CELF2: variants seen among roughly 807,000 people sequenced by gnomAD.
The protein encoded by CELF2 is CUGBP Elav-like family member 2, also known as CUG triplet repeat RNA-binding protein 2.
A neutral mutation model predicts 62.6 loss-of-function variants in CELF2; 8 were observed. That is an observed-to-expected ratio of 0.13 (90% confidence interval 0.07 to 0.23). The LOEUF is 0.23. Among genes scored for constraint, CELF2 ranks in the 10% least tolerant of loss-of-function variants. The pLI is 1.00. For synonymous variants in CELF2, 258 were observed against 250.0 expected, an observed-to-expected ratio of 1.03 and a Z score of -0.30; for missense variants, 333 against 671.0, an observed-to-expected ratio of 0.50 and a Z score of 5.56.
chr10:11,270,546 A>G lies in CELF2; in HGVS notation c.619-120A>G. 1 of 843,452 alleles carries G rather than the reference A, an allele frequency of 1.2e-6. No individual in the cohort carries two copies. The highest frequency in any genetic ancestry group is 1.7e-6 in the Non-Finnish European group (1 of 590,132). The allele number at this position is 843,452 out of a possible 1,614,324, so 52.2% of individuals were successfully genotyped here. A position where few individuals can be genotyped will look rare whatever the true frequency, so the allele number is the denominator to read the frequency against. ...AAGGAATATCAAACCGTTTTAAACC[A>G]TTTCAGCCCATTCCATGTGCTCCAG... is the stretch of plus-strand genomic sequence containing the variant. On this transcript the variant is annotated intron_variant, in intron 6 of 12. Transcript: ENST00000633077. This position sits in a 1 kb window ranked among gnomAD's most constrained non-coding sequence, Gnocchi z 5.8.
At position 11,112,834 on chromosome 10, in the gene CELF2, C is replaced by T. The variant is rs900736204; in HGVS notation, c.75-52652C>T. 1.8e-4 allele frequency among the ~76,000 whole-genome samples: 28 copies of T among 152,134 alleles called. No individual in the cohort carries two copies. In the East Asian group the frequency reaches 2.3e-3, roughly 13 times the overall value. On this transcript the variant is annotated intron_variant, in intron 1 of 12. Coordinates refer to ENST00000633077, the MANE Select transcript of CELF2 (RefSeq NM_001326342.2). ...AGTAAACGCAGTGCATTTCCACATG[C>T]GTAGCCCATATCCGAAGCTTGTGTC...
intron 1 of CELF2, among the ~76,000 whole-genome samples, chr10:10,900,546 A>G (rs1245126866): frequency 2.0e-5 from 3 of 152,194 alleles, no homozygotes; most frequent in Non-Finnish European, 4.4e-5. Context: ...CTAGGAATAG[A>G]AGGGAAAGTT....
intron 1 of CELF2, among the ~76,000 whole-genome samples, chr10:11,116,240 T>G (rs2056530935): frequency 6.6e-6 from 1 of 152,218 alleles, no homozygotes; most frequent in Admixed American, 6.5e-5. Flanking sequence ...TGTCAGTGAA[T>G]GGCCAAGACT....
chr10:10,551,443 G>T, the CELF2 span, among the ~76,000 whole-genome samples: 1 of 152,154 alleles, frequency 6.6e-6, no homozygotes, highest in South Asian at 2.1e-4. Flanking sequence ...TGGCCCGGCA[G>T]CTGGGGAGTT....
the CELF2 span, among the ~76,000 whole-genome samples, chr10:10,690,173 G>T: frequency 6.6e-6 from 1 of 152,092 alleles, no homozygotes; most frequent in African/African-American, 2.4e-5. Flanking sequence ...TTTCCTCCTT[G>T]CTGAAGATTT....
intron 2 of CELF2, among the ~76,000 whole-genome samples, chr10:10,950,345 G>A (rs1253286591): frequency 6.6e-6 from 1 of 152,130 alleles, no homozygotes; most frequent in Non-Finnish European, 1.5e-5. Context: ...TGGTCCCAGC[G>A]AGGTCTGGGT....
chr10:10,878,305 T>C (rs1446622971), intron 1 of CELF2, among the ~76,000 whole-genome samples: 2 of 152,220 alleles, frequency 1.3e-5, no homozygotes, highest in Non-Finnish European at 2.9e-5. Flanking sequence ...GCCATCTCCC[T>C]GGGCTAATCT....
At chr10:10,908,005 T>TGTTCATCTC (rs1353744267) in intron 1 of CELF2, among the ~76,000 whole-genome samples, 3 of 152,094 alleles carry the variant, frequency 2.0e-5, no homozygotes, top group Non-Finnish European at 4.4e-5. Context: ...AATGGAAAGA[T>TGTTCATCTC]GTTCATCTCT....
At chr10:11,166,469 G>A (rs946126380) in intron 2 of CELF2, among the ~76,000 whole-genome samples, 1 of 152,182 alleles carries the variant, frequency 6.6e-6, no homozygotes, top group African/African-American at 2.4e-5. Flanking sequence ...GTCTTACTTT[G>A]TAAGCTCTTT....
intron 2 of CELF2, chr10:10,924,011 A>G (rs1415735060): frequency 6.6e-6 from 1 of 152,204 alleles, no homozygotes; most frequent in Non-Finnish European, 1.5e-5. Flanking sequence ...TAAATAAATC[A>G]TGGTGAAACC....
intron 2 of CELF2, among the ~76,000 whole-genome samples, chr10:11,180,361 G>A (rs997748745): frequency 5.3e-5 from 8 of 152,178 alleles, no homozygotes; most frequent in Non-Finnish European, 8.8e-5. Context: ...CCGCTTCTGT[G>A]ACCTAGACTA....
intron 2 of CELF2, among the ~76,000 whole-genome samples, chr10:11,195,592 T>C (rs2057253373): frequency 6.6e-6 from 1 of 152,214 alleles, no homozygotes; most frequent in Non-Finnish European, 1.5e-5. Context: ...GACTGGCGTC[T>C]GATTGGAATT....
In CELF2 at chr10:11,178,616, T is replaced by A. The variant is rs2072112280; in HGVS notation, c.271+12934T>A. On this transcript the variant is annotated intron_variant, in intron 2 of 12. Coordinates refer to ENST00000633077, the MANE Select transcript of CELF2 (RefSeq NM_001326342.2). The surrounding 1 kb of genome is among the most constrained non-coding windows in gnomAD (Gnocchi z 4.3). ...CAGGCTTTTATGCCACAGATTAAAC[T>A]CCAAGGCAAATAAATGTGTGACAGC... is the stretch of plus-strand genomic sequence containing the variant. Among the ~76,000 whole-genome samples, 1 of 152,228 alleles carries A rather than the reference T, an allele frequency of 6.6e-6. No homozygotes were observed.
At chr10:11,081,937 CA>C (rs1226297689) in intron 1 of CELF2, among the ~76,000 whole-genome samples, 1 of 152,142 alleles carries the variant, frequency 6.6e-6, no homozygotes, top group Non-Finnish European at 1.5e-5. Flanking sequence ...TCAAATAAAA[CA>C]AGTTTTATTC....
intron 1 of CELF2, among the ~76,000 whole-genome samples, chr10:10,878,044 G>A (rs550139409): frequency 6.6e-5 from 10 of 152,266 alleles, no homozygotes; most frequent in African/African-American, 2.4e-4. Context: ...GGGACCAGTG[G>A]ACCTCCCTGC....
At chr10:10,663,006 A>C in the CELF2 span, among the ~76,000 whole-genome samples, 1 of 152,208 alleles carries the variant, frequency 6.6e-6, no homozygotes, top group Admixed American at 6.5e-5. Context: ...CTATTGTTCC[A>C]CTTCTAAGAA....
rs929287308 is a variant in CELF2, at chr10:10,985,938, CTT to C, written c.89+65942_89+65943del. ...GGGCTATGTTTGTAAAAGCTGGACT[CTT>C]TTCTCATCCCTAGGAAATTTGAAGA... On this transcript the variant is annotated intron_variant, in intron 2 of 13. Transcript: ENST00000636488. 1.9e-3 allele frequency among the ~76,000 whole-genome samples: 288 copies of C among 152,286 alleles called. 3 individuals carry two copies. Among genetic ancestry groups the C allele is most frequent in the African/African-American group, 6.6e-3 (275 of 41,552 alleles).
At chr10:10,782,759 C>G in the CELF2 span, among the ~76,000 whole-genome samples, 10 of 152,170 alleles carry the variant, frequency 6.6e-5, no homozygotes, top group African/African-American at 9.7e-5. Context: ...TGTGACCAGA[C>G]CTTTCAGGTT....
At chr10:10,516,451 ACATT>A in the CELF2 span, among the ~76,000 whole-genome samples, 2 of 152,200 alleles carry the variant, frequency 1.3e-5, no homozygotes, top group African/African-American at 4.8e-5. Context: ...AAGAAATAAA[ACATT>A]CATCATCTTA....
Sources: allele counts gnomAD v4.1 joint callset (sites outside exome capture counted in the v4.1 genomes callset), GRCh38; gene constraint gnomAD v4.1.1; non-coding constraint Gnocchi (gnomAD v3.1); transcripts MANE v1.5; gene names NCBI Gene and HGNC (gene_info 2026-07-23, HGNC 2026-07-21).